PIBF1: variants seen among roughly 807,000 people sequenced by gnomAD.
PIBF1 encodes the protein progesterone immunomodulatory binding factor 1, also known as progesterone-induced-blocking factor 1.
In PIBF1, 90 loss-of-function variants were observed where a neutral mutation model predicts 112.5. That is an observed-to-expected ratio of 0.80 (90% confidence interval 0.67 to 0.95). PIBF1 has a LOEUF of 0.95. Among genes scored for constraint, PIBF1 ranks in the 40% least tolerant of loss-of-function variants. The probability of loss-of-function intolerance (pLI) is 0.00; values close to 1 mark genes in which losing one functional copy is unlikely to be tolerated. For missense variants in PIBF1, 915 were observed against 852.3 expected, an observed-to-expected ratio of 1.07 and a Z score of -0.92; for synonymous variants, 301 against 288.6, an observed-to-expected ratio of 1.04 and a Z score of -0.44.
At chr13:73,001,494 T>C (rs1234292848) in intron 17 of PIBF1, among the ~76,000 whole-genome samples, 1 of 146,470 alleles carries the variant, frequency 6.8e-6, no homozygotes, top group East Asian at 2.0e-4. Context: ...GCATTGACAA[T>C]ATGAGGCGAG....
chr13:73,013,302 A>C (rs2044270679), intron 17 of PIBF1, among the ~76,000 whole-genome samples: 1 of 132,742 alleles, frequency 7.5e-6, no homozygotes, highest in Admixed American at 7.4e-5. Context: ...CTCTGTCTCA[A>C]AAAAAAAAAA....
intron 16 of PIBF1, among the ~76,000 whole-genome samples, chr13:72,991,397 T>G (rs997143813): frequency 8.5e-5 from 13 of 152,192 alleles, no homozygotes; most frequent in Admixed American, 3.3e-4. Flanking sequence ...GTTTTTAGTT[T>G]TAGTCCAAGT....
At chr13:72,974,338 T>C (rs2042968599) in intron 16 of PIBF1, 1 of 152,146 alleles carries the variant, frequency 6.6e-6, no homozygotes, top group African/African-American at 2.4e-5. Context: ...TCCACAAAAT[T>C]CCCTCATTAC....
chr13:72,941,658 G>A (rs1423403478), intron 14 of PIBF1, among the ~76,000 whole-genome samples: 1 of 152,140 alleles, frequency 6.6e-6, no homozygotes. Context: ...ACATGGCAAG[G>A]TTTAGCTACC....
chr13:72,994,002 C>G (rs73218796), intron 16 of PIBF1, among the ~76,000 whole-genome samples: 2,834 of 151,970 alleles, frequency 0.019, 50 homozygotes, highest in Non-Finnish European at 0.022. Context: ...GTGCCAGCGG[C>G]TCAGGAGGCT....
At chr13:72,844,750 C>CACACACGGATGAAGTCTTACTGTTT in intron 9 of PIBF1, among the ~76,000 whole-genome samples, 1 of 87,554 alleles carries the variant, frequency 1.1e-5, no homozygotes, top group East Asian at 3.1e-4. Context: ...CACACACACA[C>CACACACGGATGAAGTCTTACTGTTT]ACACACACAC....
intron 10 of PIBF1, among the ~76,000 whole-genome samples, chr13:72,888,867 G>C (rs1484376821): frequency 2.6e-5 from 4 of 151,904 alleles, no homozygotes; most frequent in African/African-American, 9.7e-5. Flanking sequence ...ACTAGTCACA[G>C]TGATTATCTC....
At chr13:72,798,924 A>G (rs1028003278) in intron 5 of PIBF1, among the ~76,000 whole-genome samples, 2 of 152,240 alleles carry the variant, frequency 1.3e-5, no homozygotes, top group African/African-American at 4.8e-5. Flanking sequence ...AAGTGCAGTT[A>G]ACTCTCATAA....
At chr13:72,991,694 G>T (rs562840611) in intron 16 of PIBF1, among the ~76,000 whole-genome samples, 128 of 151,522 alleles carry the variant, frequency 8.4e-4, no homozygotes, top group African/African-American at 3.0e-3. Flanking sequence ...TTCAAGACCA[G>T]CCTGGGCAAC....
At position 72,832,072 on chromosome 13, in the gene PIBF1, C is replaced by CT. The variant is rs754794968; in HGVS notation, c.1098-3141dup. Among the ~76,000 whole-genome samples, 68 of 42,846 alleles carry CT rather than the reference C, an allele frequency of 1.6e-3. 3 individuals carry two copies. The highest frequency in any genetic ancestry group is 2.1e-3 in the Non-Finnish European group (56 of 26,760). The allele number at this position is 42,846 out of a possible 152,430, so 28.1% of individuals were successfully genotyped here. A position where few individuals can be genotyped will look rare whatever the true frequency, so the allele number is the denominator to read the frequency against. On this transcript the variant is annotated intron_variant, in intron 8 of 17. Transcript: ENST00000326291. ...CAGAGATTAGAATTGCAATTCCGGC[C>CT]TTTTTTTTTTTTTTTTTTTTTTTTT...
Position 72,893,951 on chromosome 13 carries a change from T to C in PIBF1, c.1488+2T>C, listed in dbSNP as rs2040158526. 6 of 1,552,396 alleles carry C rather than the reference T, an allele frequency of 3.9e-6. No individual in the cohort carries two copies. The highest frequency in any genetic ancestry group is 2.8e-5 in the African/African-American group (2 of 70,466). On this transcript the variant is annotated splice_donor_variant, in intron 11 of 17. Transcript: ENST00000326291. LOFTEE classifies it high-confidence loss of function. ...GAAAAATATCAGAAAAAATTGGAGG[T>C]ACATGTACAAGCTTTTCTTTCAACA...
At chr13:72,919,089 G>A (rs1326226568) in intron 13 of PIBF1, among the ~76,000 whole-genome samples, 4 of 152,114 alleles carry the variant, frequency 2.6e-5, no homozygotes, top group Admixed American at 2.0e-4. Flanking sequence ...TCATCAGAGC[G>A]TTTGAGAATT....
intron 16 of PIBF1, among the ~76,000 whole-genome samples, chr13:72,990,450 G>A (rs1352713373): frequency 1.3e-5 from 2 of 150,936 alleles, no homozygotes; most frequent in Non-Finnish European, 2.9e-5. Context: ...GAACTTGGGA[G>A]GCAGAGGTTG....
intron 11 of PIBF1, chr13:72,901,102 G>A (rs896016454): frequency 4.5e-6 from 2 of 446,902 alleles, no homozygotes; most frequent in Admixed American, 2.4e-5. Flanking sequence ...CACAGCAAAA[G>A]GAACAGTCAA....
chr13:72,792,701 G>A (rs746119805), intron 3 of PIBF1, among the ~76,000 whole-genome samples, 154 bp downstream of exon 3: 20 of 152,108 alleles, frequency 1.3e-4, no homozygotes, highest in Non-Finnish European at 2.6e-4. Flanking sequence ...AAAAAAGTAG[G>A]ATACTTGATA....
intron 14 of PIBF1, among the ~76,000 whole-genome samples, chr13:72,946,834 T>C (rs1170636894): frequency 6.6e-6 from 1 of 152,230 alleles, no homozygotes; most frequent in Non-Finnish European, 1.5e-5. Flanking sequence ...CTTGGGCAGC[T>C]CTGCCCTTGT....
intron 5 of PIBF1, among the ~76,000 whole-genome samples, chr13:72,817,266 C>A (rs542456344): frequency 3.9e-5 from 6 of 152,208 alleles, no homozygotes; most frequent in Non-Finnish European, 5.9e-5. Context: ...ATGGGAGAGA[C>A]AAAAGACTTA....
At chr13:72,932,533 A>C (rs1046394245) in intron 14 of PIBF1, among the ~76,000 whole-genome samples, 3 of 152,102 alleles carry the variant, frequency 2.0e-5, no homozygotes, top group African/African-American at 7.2e-5. Flanking sequence ...TCCAAGAGGG[A>C]TATGAGGGAG....
intron 14 of PIBF1, among the ~76,000 whole-genome samples, chr13:72,961,715 G>GAGT (rs1186535535): frequency 1.3e-5 from 2 of 151,924 alleles, no homozygotes; most frequent in Non-Finnish European, 2.9e-5. Flanking sequence ...TCCAACTATA[G>GAGT]AGTACCTTTT....
Sources: allele counts gnomAD v4.1 joint callset (sites outside exome capture counted in the v4.1 genomes callset), GRCh38; gene constraint gnomAD v4.1.1; transcripts MANE v1.5; gene names NCBI Gene and HGNC (gene_info 2026-07-23, HGNC 2026-07-21).